Variants in DSCAM observed in about 807,000 individuals in gnomAD.
DSCAM encodes cell adhesion molecule DSCAM.
Under a neutral mutation model 217.7 loss-of-function variants are expected in DSCAM, and 47 were observed. The ratio of observed to expected loss-of-function variants is 0.22; its 90% CI spans 0.17 to 0.28. The LOEUF (loss-of-function observed/expected upper bound fraction) is 0.28, where lower values mean the gene tolerates loss of function less well. Ranked by LOEUF, DSCAM falls within the 10% of genes least tolerant of loss-of-function variation. The pLI is 1.00. For synonymous variants in DSCAM, 1,056 were observed against 1,015.3 expected, an observed-to-expected ratio of 1.04 and a Z score of -0.76; for missense variants, 2,080 against 2,618.3, an observed-to-expected ratio of 0.79 and a Z score of 4.49.
rs116149446 is a variant in DSCAM, at chr21:40,071,380, G to A, written c.4888+3657C>T. 4.9e-3 allele frequency among the ~76,000 whole-genome samples: 749 copies of A among 152,226 alleles called. 6 individuals carry two copies. Among genetic ancestry groups the A allele is most frequent in the African/African-American group, 0.017 (724 of 41,550 alleles). ...TCAGGAAGAGAGAATATAGGTTGAC[G>A]ACACTGCTAGAGTCCCATTTTCTTT... On this transcript the variant is annotated intron_variant, in intron 27 of 32. Coordinates refer to ENST00000400454, the MANE Select transcript of DSCAM (RefSeq NM_001389.5).
chr21:40,169,883 G>T (rs974190068), intron 15 of DSCAM, among the ~76,000 whole-genome samples: 15 of 151,842 alleles, frequency 9.9e-5, no homozygotes, highest in African/African-American at 3.6e-4. Flanking sequence ...CGTCCTTATG[G>T]GGATCCCTAT....
intron 3 of DSCAM, among the ~76,000 whole-genome samples, chr21:40,666,595 G>T (rs376894552): frequency 3.4e-4 from 52 of 152,318 alleles, no homozygotes; most frequent in East Asian, 7.7e-4. Flanking sequence ...GGCTTTCAGA[G>T]GGAAGGATTC....
At chr21:40,308,740 TTA>T (rs1305426536) in intron 9 of DSCAM, among the ~76,000 whole-genome samples, 1 of 152,180 alleles carries the variant, frequency 6.6e-6, no homozygotes, top group Non-Finnish European at 1.5e-5. Context: ...AAAGCAGTTC[TTA>T]TATATATTAG....
At chr21:40,637,208 TATATATAA>T (rs2089780165) in intron 3 of DSCAM, among the ~76,000 whole-genome samples, 1 of 8,564 alleles carries the variant, frequency 1.2e-4, no homozygotes, top group African/African-American at 9.6e-4. Flanking sequence ...TATATATAAA[TATATATAA>T]ATATAAATAT....
intron 1 of DSCAM, among the ~76,000 whole-genome samples, chr21:40,815,604 G>A (rs1388461869): frequency 2.6e-5 from 4 of 152,208 alleles, no homozygotes; most frequent in African/African-American, 7.2e-5. Context: ...AATAATGGAA[G>A]TGTCACACAC....
At chr21:40,253,212 A>G (rs1473980174) in intron 11 of DSCAM, among the ~76,000 whole-genome samples, 3 of 152,174 alleles carry the variant, frequency 2.0e-5, no homozygotes, top group African/African-American at 7.2e-5. Context: ...AAGTCTCTGC[A>G]AGGCATTGGG....
At chr21:40,544,926 A>C (rs1421234305) in intron 3 of DSCAM, among the ~76,000 whole-genome samples, 1 of 152,100 alleles carries the variant, frequency 6.6e-6, no homozygotes, top group Non-Finnish European at 1.5e-5. Context: ...CAAAAAAAAA[A>C]AAAGGTAGAA....
At chr21:40,545,367 C>A (rs927450117) in intron 3 of DSCAM, among the ~76,000 whole-genome samples, 2 of 152,200 alleles carry the variant, frequency 1.3e-5, no homozygotes, top group African/African-American at 4.8e-5. Flanking sequence ...TCAGGGAAAT[C>A]ATTTCTGCCC....
chr21:40,403,582 T>C (rs1052133345), intron 3 of DSCAM, among the ~76,000 whole-genome samples: 8 of 151,782 alleles, frequency 5.3e-5, no homozygotes, highest in South Asian at 2.1e-4. Flanking sequence ...AGGCTAATCA[T>C]TGTCATCAAC....
chr21:40,246,715 G>A (rs941991776), intron 11 of DSCAM, among the ~76,000 whole-genome samples: 1 of 152,110 alleles, frequency 6.6e-6, no homozygotes, highest in Non-Finnish European at 1.5e-5. Flanking sequence ...CCTGGAGAGG[G>A]CCCAAGTTTA....
In DSCAM at chr21:40,187,340, TCA is replaced by T. The variant is rs1358693578; in HGVS notation, c.2651-83_2651-82del. 1.9e-6 allele frequency: 3 copies of T among 1,541,310 alleles called. No homozygotes were observed. The African/African-American group carries it at 4.1e-5, about 21-fold the overall frequency. On this transcript the variant is annotated intron_variant, in intron 13 of 32. Coordinates refer to ENST00000400454, the MANE Select transcript of DSCAM (RefSeq NM_001389.5). The stretch of plus-strand genomic sequence containing the variant: ...CGCTAGTGGAAATGCTGAGCGTGAC[TCA>T]CAAACGATTTGTCTGCATTAGACAA...
chr21:40,128,158 T>G (rs953858298), intron 19 of DSCAM, among the ~76,000 whole-genome samples: 1 of 150,628 alleles, frequency 6.6e-6, no homozygotes, highest in Non-Finnish European at 1.5e-5. Flanking sequence ...TCTCCCCCAC[T>G]AGCTTGCAAA....
chr21:40,823,578 T>C (rs2091946496), intron 1 of DSCAM, among the ~76,000 whole-genome samples: 1 of 152,190 alleles, frequency 6.6e-6, no homozygotes, highest in South Asian at 2.1e-4. Context: ...ATTTTCTGGT[T>C]ACTAAAAACC....
intron 1 of DSCAM, among the ~76,000 whole-genome samples, chr21:40,820,728 A>C (rs1052989888): frequency 6.6e-6 from 1 of 152,160 alleles, no homozygotes; most frequent in Non-Finnish European, 1.5e-5. Flanking sequence ...AAAACAAAAA[A>C]TCAAGAGTGA....
chr21:40,327,030 A>G (rs2074325330), intron 8 of DSCAM, among the ~76,000 whole-genome samples: 1 of 151,750 alleles, frequency 6.6e-6, no homozygotes, highest in Non-Finnish European at 1.5e-5. Context: ...TATTGAATTT[A>G]TATATTTAAA....
chr21:40,262,499 C>A (rs2073466491), intron 11 of DSCAM, among the ~76,000 whole-genome samples: 1 of 152,152 alleles, frequency 6.6e-6, no homozygotes, highest in Non-Finnish European at 1.5e-5. Flanking sequence ...CAACAGAAAA[C>A]AAATCAAGAC....
At chr21:40,345,888 G>C (rs1463794775) in intron 6 of DSCAM, among the ~76,000 whole-genome samples, 3 of 152,234 alleles carry the variant, frequency 2.0e-5, no homozygotes, top group Non-Finnish European at 4.4e-5. Context: ...AAATCTGCGA[G>C]TGTGCTGGCG....
intron 1 of DSCAM, among the ~76,000 whole-genome samples, chr21:40,840,732 G>T (rs1160631012): frequency 6.6e-6 from 1 of 152,120 alleles, no homozygotes; most frequent in Non-Finnish European, 1.5e-5. Flanking sequence ...GAAAAAGGTG[G>T]GTAGAGCAAA....
chr21:40,761,938 A>C (rs1449510363), intron 1 of DSCAM, among the ~76,000 whole-genome samples: 14 of 152,230 alleles, frequency 9.2e-5, no homozygotes, highest in Admixed American at 9.2e-4. Context: ...GTGTACCAGA[A>C]TATCTGGAAC....
Sources: gnomAD v4.1 joint callset for allele counts (sites outside exome capture counted in the v4.1 genomes callset) on GRCh38, gnomAD v4.1.1 for gene constraint, MANE v1.5 for transcripts, NCBI Gene and HGNC (gene_info 2026-07-23, HGNC 2026-07-21) for gene names.